The following ARSF variants were observed in gnomAD, a reference collection of about 807,000 sequenced individuals.
ARSF encodes arylsulfatase F.
In ARSF, 33 loss-of-function variants were observed where a neutral mutation model predicts 35.4. The observed-to-expected ratio is 0.93, with a 90% CI of 0.71 to 1.25. ARSF has a LOEUF of 1.25. Ranked by LOEUF, ARSF falls within the 50% of genes most tolerant of loss-of-function variation. ARSF has a pLI of 0.00. For missense variants in ARSF, 501 were observed against 480.2 expected (o/e 1.04, Z -0.40); for synonymous variants, 222 against 193.1 (o/e 1.15, Z -1.24).
rs1569136115 is a variant in ARSF at position 3,072,110 on chromosome X, TG to T, written c.97del (p.Val33SerfsTer2). ...GGGTGCATGACGACAAGCCTAATAT[TG>T]TCCTAATCATGGTTGATGACCTGGG... ...HRVHDDKPNI[V>X]LIMVDDLGIG... On this transcript the variant is annotated frameshift_variant, in exon 3 of 11. Coordinates refer to ENST00000381127, the MANE Select transcript of ARSF (RefSeq NM_001201539.2). LOFTEE classifies it high-confidence loss of function. 2.5e-6 allele frequency: 3 copies of T among 1,202,786 alleles called. No individual in the cohort carries two copies. Among genetic ancestry groups the T allele is most frequent in the Middle Eastern group, 2.3e-4 (1 of 4,352 alleles).
chrX:3,095,836 GC>G (rs895105080), intron 7 of ARSF, among the ~76,000 whole-genome samples: 2 of 109,487 alleles, frequency 1.8e-5, no homozygotes, highest in African/African-American at 6.6e-5. Context: ...TTAGATAGTA[GC>G]CAGGAAAATT....
chrX:3,060,465 T>C (rs1316635941), intron 1 of ARSF, among the ~76,000 whole-genome samples: 1 of 111,895 alleles, frequency 8.9e-6, no homozygotes, highest in Non-Finnish European at 1.9e-5. Flanking sequence ...AGAATGACTT[T>C]GACGAGCTGA....
rs953638233 is a variant in ARSF, at chrX:3,078,862, C to T, written c.284-2029C>T. ...GTAGCTCTTTCCCAATATTGTACAA[C>T]CATCACCTCTATCGAATTCTAGAAC... On this transcript the variant is annotated intron_variant, in intron 4 of 10. Transcript: ENST00000381127. 8.1e-5 allele frequency among the ~76,000 whole-genome samples: 9 copies of T among 111,022 alleles called. No homozygotes were observed. In the East Asian group the frequency reaches 2.5e-3, roughly 31 times the overall value.
At position 3,110,239 on chromosome X, in the gene ARSF, C is replaced by A; in HGVS notation, c.1377C>A (p.Ile459=). 2 of 1,181,876 alleles carry A rather than the reference C, an allele frequency of 1.7e-6. No homozygotes were observed. Among genetic ancestry groups the A allele is most frequent in the Non-Finnish European group, 2.3e-6 (2 of 879,116 alleles). ...CCTACCTGCACGCCGTGCGGTGGAT[C>A]CCCAAGGACGACAGTGAGTGCTCAA... ...CGSYLHAVRW[I]PKDDSGSVWK... The change falls in exon 10 of 11, where the codon ATC becomes ATA. Residue 459 remains isoleucine (I), a synonymous_variant. Coordinates refer to ENST00000381127, the MANE Select transcript of ARSF (RefSeq NM_001201539.2).
intron 1 of ARSF, among the ~76,000 whole-genome samples, chrX:3,054,916 G>C (rs1021526024): frequency 5.7e-5 from 6 of 105,847 alleles, no homozygotes; most frequent in Admixed American, 2.0e-4. Flanking sequence ...TTTGTATTTA[G>C]TAGAGACAGG....
At position 3,084,630 on chromosome X, in the gene ARSF, C is replaced by G; in HGVS notation, c.794C>G (p.Ser265Cys). ...CCCATGAAGGCTGAACGAGCTGGAT[C>G]CATTATGGTGAAGGAAGCGATTTCC... The part of the protein sequence containing the change: ...EQPMKAERAG[S>C]IMVKEAISFL... Residue 265 changes from serine to cysteine, a missense_variant, in exon 6 of 11, where the codon TCC (serine) becomes TGC (cysteine). Transcript: ENST00000381127. The G allele has an allele frequency of 8.5e-7, 1 of 1,180,046 alleles. No homozygotes were observed. Among genetic ancestry groups the G allele is most frequent in the Non-Finnish European group, 1.1e-6 (1 of 879,149 alleles).
chrX:3,095,650 A>G (rs192880221), intron 7 of ARSF, among the ~76,000 whole-genome samples: 1 of 110,094 alleles, frequency 9.1e-6, no homozygotes, highest in African/African-American at 3.3e-5. Flanking sequence ...TTTAACTTTA[A>G]TGTTAATTGC....
chrX:3,071,944 C>A, intron 2 of ARSF, 82 bp from the exon 3 acceptor site: 1 of 1,016,993 alleles, frequency 9.8e-7, no homozygotes, highest in Admixed American at 2.3e-5. Flanking sequence ...CTCCAAAGAC[C>A]CCTGTTGTGT....
intron 1 of ARSF, among the ~76,000 whole-genome samples, chrX:3,060,104 AGCAATATTTGCTGTTCT>A (rs937798739): frequency 1.2e-4 from 13 of 112,146 alleles, no homozygotes; most frequent in African/African-American, 3.2e-4. Flanking sequence ...AGGATCAGGC[AGCAATATTTGCTGTTCT>A]GCAATATTTG....
intron 1 of ARSF, among the ~76,000 whole-genome samples, chrX:3,052,115 A>AT (rs1264049603): frequency 8.9e-6 from 1 of 111,923 alleles, no homozygotes; most frequent in East Asian, 2.8e-4. Flanking sequence ...CACCTCTGAG[A>AT]TTTTCTATTC....
chrX:3,086,612 T>C (rs2090250231), intron 6 of ARSF, among the ~76,000 whole-genome samples: 1 of 109,197 alleles, frequency 9.2e-6, no homozygotes, highest in African/African-American at 3.3e-5. Context: ...GTTCTGGAGA[T>C]TGAGACCAGC....
chrX:3,062,079 G>T (rs1224682112), intron 1 of ARSF, among the ~76,000 whole-genome samples: 4 of 111,867 alleles, frequency 3.6e-5, no homozygotes, highest in Admixed American at 2.9e-4. Context: ...AAATGTAAAA[G>T]AACAGAAATC....
intron 7 of ARSF, among the ~76,000 whole-genome samples, chrX:3,098,020 A>AATAT (rs200431073): frequency 0.058 from 5,605 of 95,942 alleles, 169 homozygotes; most frequent in Admixed American, 0.11. Flanking sequence ...CTCAAAATAA[A>AATAT]ATATATATAT....
intron 1 of ARSF, among the ~76,000 whole-genome samples, chrX:3,043,141 C>T (rs1441874178): frequency 9.1e-6 from 1 of 110,160 alleles, no homozygotes; most frequent in African/African-American, 3.3e-5. Flanking sequence ...GGTGACAGAG[C>T]GAGACTACTC....
At chrX:3,108,406 A>C (rs760365150) in intron 9 of ARSF, among the ~76,000 whole-genome samples, 97 of 111,841 alleles carry the variant, frequency 8.7e-4, no homozygotes, top group African/African-American at 3.0e-3. Context: ...GTCTTAAAAA[A>C]CTTTGAATTT....
Position 3,072,115 on chromosome X carries a change from T to G in ARSF, c.101T>G (p.Leu34Arg). The G allele has an allele frequency of 8.3e-7, 1 of 1,202,863 alleles. No homozygotes were observed. The change falls in exon 3 of 11, where the codon CTA becomes CGA. Residue 34 changes from leucine to arginine, a missense_variant. Leu to Arg is a moderately radical substitution (Grantham distance 102). Transcript: ENST00000381127. ...CATGACGACAAGCCTAATATTGTCC[T>G]AATCATGGTTGATGACCTGGGTATT... ...RVHDDKPNIV[L>R]IMVDDLGIGD...
At chrX:3,067,762 G>A (rs1268129075) in intron 1 of ARSF, among the ~76,000 whole-genome samples, 1 of 109,701 alleles carries the variant, frequency 9.1e-6, no homozygotes, top group East Asian at 2.9e-4. Flanking sequence ...AGGAGGCTGA[G>A]GCAGGAGAAT....
chrX:3,060,840 G>C (rs771206705), intron 1 of ARSF, among the ~76,000 whole-genome samples: 316 of 111,849 alleles, frequency 2.8e-3, no homozygotes, highest in Non-Finnish European at 4.2e-3. Flanking sequence ...ACATCTGATT[G>C]GTGTACCTGA....
chrX:3,110,879 C>T (rs752347145), intron 10 of ARSF, among the ~76,000 whole-genome samples: 1 of 112,245 alleles, frequency 8.9e-6, no homozygotes, highest in South Asian at 3.8e-4. Context: ...GCCTGGAAGA[C>T]AGAGTGAGAC....
Sources: gnomAD v4.1 joint callset for allele counts (sites outside exome capture counted in the v4.1 genomes callset) on GRCh38, gnomAD v4.1.1 for gene constraint, MANE v1.5 for transcripts, NCBI Gene and HGNC (gene_info 2026-07-23, HGNC 2026-07-21) for gene names.